The following FRMPD4 variants were observed in gnomAD, a reference collection of about 807,000 sequenced individuals.
FRMPD4 encodes FERM and PDZ domain-containing protein 4.
In FRMPD4, 22 loss-of-function variants were observed where a neutral mutation model predicts 94.1. That is an observed-to-expected ratio of 0.23 (90% CI 0.17 to 0.33). The LOEUF (loss-of-function observed/expected upper bound fraction) is 0.33. Among genes scored for constraint, FRMPD4 ranks in the 10% least tolerant of loss-of-function variants. The pLI is 1.00. For missense variants in FRMPD4, 1,111 were observed against 1,339.9 expected, an observed-to-expected ratio of 0.83 and a Z score of 2.67; for synonymous variants, 631 against 548.6, an observed-to-expected ratio of 1.15 and a Z score of -2.10.
intron 1 of FRMPD4, among the ~76,000 whole-genome samples, chrX:12,491,520 T>C (rs1451854360): frequency 8.9e-6 from 1 of 112,111 alleles, no homozygotes; most frequent in African/African-American, 3.2e-5. Flanking sequence ...TGAGCTGACG[T>C]AGTAGCAAAC....
chrX:12,669,024 T>C (rs768237891), intron 4 of FRMPD4, among the ~76,000 whole-genome samples: 3 of 112,280 alleles, frequency 2.7e-5, no homozygotes, highest in Non-Finnish European at 5.6e-5. Context: ...ATTTGTGTAT[T>C]TCCTTCCCTT....
chrX:12,585,562 C>T (rs1296033136), intron 2 of FRMPD4, among the ~76,000 whole-genome samples: 1 of 112,040 alleles, frequency 8.9e-6, no homozygotes, highest in Non-Finnish European at 1.9e-5. Flanking sequence ...ACCTGCAGCC[C>T]AAGCTCCATT....
intron 2 of FRMPD4, among the ~76,000 whole-genome samples, chrX:11,872,157 G>C (rs2053759352): frequency 8.9e-6 from 1 of 112,399 alleles, no homozygotes; most frequent in South Asian, 3.7e-4. Flanking sequence ...GAATTGCTGT[G>C]TGAATTCTAA....
intron 3 of FRMPD4, among the ~76,000 whole-genome samples, chrX:11,925,773 T>C (rs1206348717): frequency 9.0e-6 from 1 of 111,729 alleles, no homozygotes; most frequent in African/African-American, 3.3e-5. Flanking sequence ...GGGAAATTTA[T>C]AGCACTAAAT....
At chrX:12,336,306 T>G (rs904925538) in intron 1 of FRMPD4, among the ~76,000 whole-genome samples, 2 of 112,009 alleles carry the variant, frequency 1.8e-5, no homozygotes, top group Middle Eastern at 4.6e-3. Context: ...TATCTGGCAG[T>G]TGGCATAGCT....
chrX:11,983,121 C>T (rs903373791), intron 3 of FRMPD4, among the ~76,000 whole-genome samples: 32 of 112,052 alleles, frequency 2.9e-4, no homozygotes, highest in African/African-American at 1.0e-3. Context: ...TTTCATGTCA[C>T]ACAGGTAACA....
intron 2 of FRMPD4, among the ~76,000 whole-genome samples, chrX:12,582,998 A>G (rs1266733199): frequency 8.9e-6 from 1 of 111,841 alleles, no homozygotes; most frequent in African/African-American, 3.3e-5. Context: ...TCCCTCTCCC[A>G]CCATCCAACT....
chrX:12,561,866 A>G (rs988725721), intron 2 of FRMPD4, among the ~76,000 whole-genome samples: 1 of 112,345 alleles, frequency 8.9e-6, no homozygotes, highest in Non-Finnish European at 1.9e-5. Flanking sequence ...CAATAGATCT[A>G]ATAGCTCTCA....
intron 2 of FRMPD4, among the ~76,000 whole-genome samples, chrX:12,524,186 C>CTGAT (rs776063892): frequency 9.0e-6 from 1 of 111,675 alleles, no homozygotes; most frequent in African/African-American, 3.3e-5. Context: ...AGTTTAAAAA[C>CTGAT]TGATTGGTTA....
chrX:12,675,428 A>T (rs1164027662), intron 5 of FRMPD4, among the ~76,000 whole-genome samples: 2 of 78,740 alleles, frequency 2.5e-5, no homozygotes, highest in Non-Finnish European at 5.3e-5. Flanking sequence ...GTGATTTAAA[A>T]AAAAAAAAAA....
intron 2 of FRMPD4, among the ~76,000 whole-genome samples, chrX:12,565,168 G>T (rs1172068128): frequency 9.0e-6 from 1 of 110,741 alleles, no homozygotes; most frequent in Non-Finnish European, 1.9e-5. Flanking sequence ...ATAAATAAAT[G>T]ATTTGATATA....
intron 3 of FRMPD4, among the ~76,000 whole-genome samples, chrX:11,998,615 C>T (rs1343376756): frequency 9.0e-6 from 1 of 111,232 alleles, no homozygotes; most frequent in Non-Finnish European, 1.9e-5. Flanking sequence ...TCTTTTCTGC[C>T]TAACTGCAGT....
intron 1 of FRMPD4, among the ~76,000 whole-genome samples, chrX:12,383,585 G>A (rs1318243483): frequency 1.8e-5 from 2 of 111,397 alleles, no homozygotes; most frequent in Non-Finnish European, 3.8e-5. Flanking sequence ...GCTTCTGGGT[G>A]GCAGTGGTTT....
At chrX:12,316,968 A>G (rs1016371368) in intron 1 of FRMPD4, among the ~76,000 whole-genome samples, 1 of 112,029 alleles carries the variant, frequency 8.9e-6, no homozygotes, top group Non-Finnish European at 1.9e-5. Context: ...AAAATCGTTA[A>G]AATTTATATC....
At chrX:12,201,997 T>C (rs764405783) in intron 1 of FRMPD4, among the ~76,000 whole-genome samples, 2 of 109,487 alleles carry the variant, frequency 1.8e-5, no homozygotes, top group Admixed American at 2.0e-4. Context: ...TTTTCTTCTT[T>C]TTTTTTTTTA....
chrX:11,922,468 G>C (rs1379376686), intron 3 of FRMPD4, among the ~76,000 whole-genome samples: 2 of 111,819 alleles, frequency 1.8e-5, no homozygotes, highest in Non-Finnish European at 3.8e-5. Context: ...TCTAATACTG[G>C]GGATTACAAT....
chrX:12,613,289 A>G, intron 3 of FRMPD4, among the ~76,000 whole-genome samples: 1 of 112,035 alleles, frequency 8.9e-6, no homozygotes, highest in South Asian at 3.8e-4. Flanking sequence ...TTATGTGTCA[A>G]GAAACCTGGC....
intron 2 of FRMPD4, among the ~76,000 whole-genome samples, chrX:12,521,384 T>C (rs774039168): frequency 8.9e-6 from 1 of 112,205 alleles, no homozygotes; most frequent in South Asian, 3.7e-4. Context: ...ATTTGGAAGA[T>C]CGTGCAATCT....
intron 1 of FRMPD4, among the ~76,000 whole-genome samples, chrX:11,836,799 T>C (rs1175339086): frequency 9.0e-6 from 1 of 111,723 alleles, no homozygotes; most frequent in Non-Finnish European, 1.9e-5. Context: ...TTTTTCTTCT[T>C]AGTGTTCATT....
Sources: gnomAD v4.1 joint callset for allele counts (sites outside exome capture counted in the v4.1 genomes callset) on GRCh38, gnomAD v4.1.1 for gene constraint, MANE v1.5 for transcripts, NCBI Gene and HGNC (gene_info 2026-07-23, HGNC 2026-07-21) for gene names.